XIRP2: variants seen among roughly 807,000 people sequenced by gnomAD.
XIRP2 encodes xin actin binding repeat containing 2.
XIRP2 carries 236 observed loss-of-function variants against 277.0 expected under a neutral mutation model. The observed-to-expected ratio is 0.85, with a 90% confidence interval of 0.77 to 0.95. XIRP2 has a LOEUF of 0.95. Among genes scored for constraint, XIRP2 ranks in the 40% least tolerant of loss-of-function variants. The pLI is 0.00. For synonymous variants in XIRP2, 1,490 were observed against 1,416.5 expected (o/e 1.05, Z -1.17); for missense variants, 4,640 against 4,157.5 (o/e 1.12, Z -3.19).
chr2:166,959,108 C>G (rs898121193), intron 2 of XIRP2, among the ~76,000 whole-genome samples: 1 of 151,724 alleles, frequency 6.6e-6, no homozygotes, highest in African/African-American at 2.4e-5. Context: ...ACTATGTACT[C>G]GAGAGAATGT....
chr2:167,086,325 T>C (rs554547690), intron 2 of XIRP2, among the ~76,000 whole-genome samples: 2 of 152,358 alleles, frequency 1.3e-5, no homozygotes, highest in South Asian at 2.1e-4. Flanking sequence ...GTTAGTCTGA[T>C]GGGCTTCCCT....
intron 2 of XIRP2, among the ~76,000 whole-genome samples, chr2:167,028,159 T>C (rs1688227876): frequency 6.6e-6 from 1 of 152,100 alleles, no homozygotes; most frequent in African/African-American, 2.4e-5. Flanking sequence ...ATATCTAACA[T>C]AAGAAAATAT....
chr2:166,975,184 A>T (rs1305595355), intron 2 of XIRP2, among the ~76,000 whole-genome samples: 1 of 152,222 alleles, frequency 6.6e-6, no homozygotes, highest in Non-Finnish European at 1.5e-5. Flanking sequence ...ATGGATAAAT[A>T]GATCTACAAC....
chr2:167,232,901 C>G (rs1266049389), intron 5 of XIRP2, among the ~76,000 whole-genome samples: 2 of 151,880 alleles, frequency 1.3e-5, no homozygotes, highest in African/African-American at 4.8e-5. Context: ...TCATTAGGCA[C>G]CCACCATATG....
At chr2:167,252,155 C>T (rs1695531003) in intron 9 of XIRP2, among the ~76,000 whole-genome samples, 1 of 151,932 alleles carries the variant, frequency 6.6e-6, no homozygotes, top group South Asian at 2.1e-4. Context: ...GATTTACTTG[C>T]ACTGTGTGAG....
At chr2:166,921,508 T>A (rs1233455585) in intron 2 of XIRP2, among the ~76,000 whole-genome samples, 5 of 152,166 alleles carry the variant, frequency 3.3e-5, no homozygotes, top group Non-Finnish European at 7.4e-5. Flanking sequence ...ATCATAATTA[T>A]TAAAAATACC....
intron 2 of XIRP2, among the ~76,000 whole-genome samples, chr2:167,125,780 G>C (rs565677836): frequency 2.0e-5 from 3 of 152,166 alleles, no homozygotes; most frequent in African/African-American, 7.2e-5. Context: ...TCCAAAATTT[G>C]GTTATTTAAT....
At position 167,245,053 on chromosome 2, in the gene XIRP2, A is replaced by T; in HGVS notation, c.3661A>T (p.Lys1221Ter). 1 of 1,611,658 alleles carries T rather than the reference A, an allele frequency of 6.2e-7. No homozygotes were observed. Among genetic ancestry groups the T allele is most frequent in the Non-Finnish European group, 8.5e-7 (1 of 1,179,282 alleles). ...SISSSSEEVL[K>*]KIKTLKTEDI... Reference sequence around the variant, plus strand: ...AAGTTCTAGTTCAGAGGAAGTTTTGAAAAAGATCAAAACCTTAAAAACTGA... The same window carrying T: ...AAGTTCTAGTTCAGAGGAAGTTTTGTAAAAGATCAAAACCTTAAAAACTGA... Residue 1221 changes from lysine to a stop codon, truncating the protein, a stop_gained, in exon 9 of 11, where the codon AAA becomes TAA. Transcript: ENST00000409195. LOFTEE classifies it high-confidence loss of function.
chr2:167,259,462 A>G lies in XIRP2; in HGVS notation c.*1645A>G. ...TTTGGATACCCTTTTGAGGAACTTG[A>G]TGTAAACATGGTGTTCAGAAATCTC... On this transcript the variant is annotated 3_prime_UTR_variant, in exon 11 of 11. Transcript: ENST00000409195. 8.3e-7 allele frequency: 1 copy of G among 1,200,340 alleles called. No individual in the cohort carries two copies. The highest frequency in any genetic ancestry group is 1.1e-6 in the Non-Finnish European group (1 of 879,254). The allele number at this position is 1,200,340 out of a possible 1,614,324, so 74.4% of individuals were successfully genotyped here. A position where few individuals can be genotyped will look rare whatever the true frequency, so the allele number is the denominator to read the frequency against.
intron 3 of XIRP2, among the ~76,000 whole-genome samples, chr2:167,179,795 G>A (rs1300712237): frequency 1.3e-5 from 2 of 152,114 alleles, no homozygotes; most frequent in East Asian, 3.9e-4. Context: ...ATGTGCCACT[G>A]CACTGGCCTA....
chr2:167,152,451 C>G (rs1250394486), intron 3 of XIRP2, among the ~76,000 whole-genome samples: 1 of 152,058 alleles, frequency 6.6e-6, no homozygotes, highest in Non-Finnish European at 1.5e-5. Flanking sequence ...TTCTTTGAGT[C>G]CTCATTTCCT....
intron 2 of XIRP2, among the ~76,000 whole-genome samples, chr2:167,107,800 G>A (rs914659231): frequency 5.9e-5 from 9 of 151,450 alleles, no homozygotes; most frequent in Non-Finnish European, 4.4e-5. Flanking sequence ...AACTTATTCT[G>A]TAAGATTTGT....
At chr2:167,128,567 T>TC (rs1442982179) in intron 2 of XIRP2, among the ~76,000 whole-genome samples, 2 of 152,106 alleles carry the variant, frequency 1.3e-5, no homozygotes, top group African/African-American at 4.8e-5. Flanking sequence ...CTGGAGCCAA[T>TC]CCCCCCTTGG....
chr2:167,015,832 C>G (rs952903278), intron 2 of XIRP2, among the ~76,000 whole-genome samples: 3 of 151,706 alleles, frequency 2.0e-5, no homozygotes, highest in South Asian at 2.1e-4. Flanking sequence ...TCTTCTGTCT[C>G]TCTGTATGTC....
chr2:167,200,318 T>C (rs1247602242), intron 3 of XIRP2, among the ~76,000 whole-genome samples: 1 of 152,254 alleles, frequency 6.6e-6, no homozygotes, highest in Non-Finnish European at 1.5e-5. Context: ...CAGTGTTCAC[T>C]GTGCCGAGCC....
chr2:166,939,176 C>T lies in XIRP2; in HGVS notation c.408+35286C>T, dbSNP rs545358493. ...TTTTGCTCATTAATTGATGCAGTTT[C>T]TTCCTAGCATCGATGGTCTTTACAA... On this transcript the variant is annotated intron_variant, in intron 2 of 10. Transcript: ENST00000409195. 2.5e-4 allele frequency among the ~76,000 whole-genome samples: 38 copies of T among 152,300 alleles called. No individual in the cohort carries two copies. In the South Asian group the frequency reaches 7.9e-3, roughly 32 times the overall value.
intron 2 of XIRP2, among the ~76,000 whole-genome samples, chr2:167,078,559 G>C (rs543503751): frequency 6.6e-6 from 1 of 152,094 alleles, no homozygotes; most frequent in Non-Finnish European, 1.5e-5. Context: ...AAAACTGGCC[G>C]GGAGTGGTGG....
intron 2 of XIRP2, among the ~76,000 whole-genome samples, chr2:166,948,770 C>T (rs189973283): frequency 4.6e-5 from 7 of 151,990 alleles, no homozygotes; most frequent in Non-Finnish European, 1.0e-4. Flanking sequence ...TGGTTAGTGG[C>T]CACATGTCAA....
intron 8 of XIRP2, among the ~76,000 whole-genome samples, chr2:167,242,263 C>T (rs1695094743): frequency 6.6e-6 from 1 of 151,960 alleles, no homozygotes; most frequent in African/African-American, 2.4e-5. Context: ...TTACTGTTTC[C>T]CTCTAGATTA....
Sources: gnomAD v4.1 joint callset for allele counts (sites outside exome capture counted in the v4.1 genomes callset) on GRCh38, gnomAD v4.1.1 for gene constraint, MANE v1.5 for transcripts, NCBI Gene and HGNC (gene_info 2026-07-23, HGNC 2026-07-21) for gene names.